The following RYR2 variants were observed in gnomAD, a reference collection of about 807,000 sequenced individuals.
RYR2 encodes the protein ryanodine receptor 2.
RYR2 carries 227 observed loss-of-function variants against 601.1 expected under a neutral mutation model. The ratio of observed to expected loss-of-function variants is 0.38; its 90% CI spans 0.34 to 0.42. The LOEUF (loss-of-function observed/expected upper bound fraction) is 0.42, where lower values mean the gene tolerates loss of function less well. RYR2 is among the 10% of genes least tolerant of loss of function. The probability of loss-of-function intolerance (pLI) is 1.00; values close to 1 mark genes in which losing one functional copy is unlikely to be tolerated. For synonymous variants in RYR2, 2,223 were observed against 2,175.1 expected (o/e 1.02, Z -0.61); for missense variants, 4,646 against 6,156.5 (o/e 0.75, Z 8.21).
chr1:237,132,453 C>T (rs1021409403), intron 1 of RYR2, among the ~76,000 whole-genome samples: 1 of 152,210 alleles, frequency 6.6e-6, no homozygotes, highest in Non-Finnish European at 1.5e-5. Flanking sequence ...ATGTTGATGG[C>T]TTTAAGCCAC....
chr1:237,509,666 ATTAT>A (rs1665678765), intron 23 of RYR2, among the ~76,000 whole-genome samples: 1 of 152,196 alleles, frequency 6.6e-6, no homozygotes, highest in Non-Finnish European at 1.5e-5. Flanking sequence ...CTTTTAAGGT[ATTAT>A]GTTTGCCTTC....
chr1:237,346,332 A>G (rs986111920), intron 3 of RYR2, among the ~76,000 whole-genome samples: 22 of 148,808 alleles, frequency 1.5e-4, no homozygotes, highest in African/African-American at 4.7e-4. Context: ...TACTGCCACT[A>G]TACTCCGGCC....
chr1:237,796,605 A>G (rs1454956333), intron 96 of RYR2, among the ~76,000 whole-genome samples: 6 of 152,100 alleles, frequency 3.9e-5, no homozygotes, highest in African/African-American at 7.2e-5. Context: ...TTTCATCAGT[A>G]TATTTCCTTC....
intron 1 of RYR2, among the ~76,000 whole-genome samples, chr1:237,087,716 C>G (rs1411251137): frequency 1.3e-5 from 2 of 152,164 alleles, no homozygotes; most frequent in Admixed American, 6.5e-5. Flanking sequence ...TGGTGCCCCT[C>G]TTGGTGTCTG....
chr1:237,655,787 G>A lies in RYR2; in HGVS notation c.7966-34G>A, dbSNP rs765387697. The A allele has an allele frequency of 1.8e-5, 28 of 1,547,662 alleles. 1 individual carries two copies. In the African/African-American group the frequency reaches 3.3e-4, roughly 18 times the overall value. On this transcript the variant is annotated intron_variant, in intron 52 of 104. Coordinates refer to ENST00000366574, the MANE Select transcript of RYR2 (RefSeq NM_001035.3). ...TCATGCTGACAACTTTTGCCATATA[G>A]TAATTTTTTTTTTTGGTCCTCCATT...
Position 237,314,954 on chromosome 1 carries a change from C to T in RYR2, c.169-15924C>T, listed in dbSNP as rs1379500244. 3.3e-5 allele frequency among the ~76,000 whole-genome samples: 5 copies of T among 152,194 alleles called. No individual in the cohort carries two copies. The East Asian group carries it at 7.7e-4, about 23-fold the overall frequency. On this transcript the variant is annotated intron_variant, in intron 2 of 104. Coordinates refer to ENST00000366574, the MANE Select transcript of RYR2 (RefSeq NM_001035.3). ...CTGATTATTTTAATGATGGATTATA[C>T]TATTAATATTAAATCTCTTTATGAG...
intron 16 of RYR2, among the ~76,000 whole-genome samples, 165 bp from the exon 17 acceptor site, chr1:237,468,927 A>G (rs1367918021): frequency 1.3e-5 from 2 of 152,080 alleles, no homozygotes; most frequent in Non-Finnish European, 1.5e-5. Context: ...TTTGTCTTTA[A>G]TGTCTCAGTG....
intron 46 of RYR2, among the ~76,000 whole-genome samples, chr1:237,640,652 C>G (rs185384475): frequency 6.6e-6 from 1 of 152,252 alleles, no homozygotes; most frequent in East Asian, 1.9e-4. Flanking sequence ...CCTCCTTTTC[C>G]CCTCAAAGGA....
At chr1:237,047,316 T>C (rs1334727026) in intron 1 of RYR2, among the ~76,000 whole-genome samples, 1 of 152,028 alleles carries the variant, frequency 6.6e-6, no homozygotes, top group Non-Finnish European at 1.5e-5. Context: ...TTTTGTCTTT[T>C]CTAATGTTAC....
chr1:237,269,605 C>T (rs4233470), intron 1 of RYR2, among the ~76,000 whole-genome samples: 25,583 of 152,076 alleles, frequency 0.17, 2,670 homozygotes, highest in East Asian at 0.54. Context: ...GCCCTTGCCA[C>T]GTAGAACCTG....
At position 237,448,229 on chromosome 1, in the gene RYR2, GAT is replaced by G. The variant is rs552664060; in HGVS notation, c.1292+2710_1292+2711del. ...GGCGTGAGGCACCACACCCGGCATT[GAT>G]ATGTTTTCTTTCAGTTTCCCCTTTG... On this transcript the variant is annotated intron_variant, in intron 14 of 104. Transcript: ENST00000366574. 2.3e-3 allele frequency among the ~76,000 whole-genome samples: 354 copies of G among 152,166 alleles called. 3 individuals carry two copies. The highest frequency in any genetic ancestry group is 8.1e-3 in the African/African-American group (337 of 41,530).
chr1:237,109,620 C>T (rs17669728), intron 1 of RYR2, among the ~76,000 whole-genome samples: 30,918 of 151,856 alleles, frequency 0.2, 3,271 homozygotes, highest in Non-Finnish European at 0.21. Flanking sequence ...CTCCTCTCTG[C>T]AGTGTCCTGC....
intron 24 of RYR2, among the ~76,000 whole-genome samples, chr1:237,528,765 A>G (rs1239333328): frequency 6.6e-6 from 1 of 152,050 alleles, no homozygotes; most frequent in African/African-American, 2.4e-5. Context: ...CTCGGTCTGG[A>G]CTCACATTAA....
chr1:237,281,082 G>A (rs1315335991), intron 2 of RYR2, among the ~76,000 whole-genome samples: 1 of 152,144 alleles, frequency 6.6e-6, no homozygotes, highest in Non-Finnish European at 1.5e-5. Flanking sequence ...ACCACGCCTG[G>A]CCTCTTTTTA....
chr1:237,690,025 C>T lies in RYR2; in HGVS notation c.9067+2521C>T, dbSNP rs544669076. ...ACACACGGCTAATTTTTAGTAGAAACGGGGTTTCACCATGTTGGCCAGGCT... is the reference window on the plus strand; with the variant it reads ...ACACACGGCTAATTTTTAGTAGAAATGGGGTTTCACCATGTTGGCCAGGCT... On this transcript the variant is annotated intron_variant, in intron 63 of 104. Coordinates refer to ENST00000366574, the MANE Select transcript of RYR2 (RefSeq NM_001035.3). Among the ~76,000 whole-genome samples, 133 of 151,928 alleles carry T rather than the reference C, an allele frequency of 8.8e-4. No homozygotes were observed. The Middle Eastern group carries it at 0.01, about 12-fold the overall frequency.
rs67002856 is a variant in RYR2 at position 237,204,503 on chromosome 1, CAA to C, written c.49-65980_49-65979del. ...CTTGTTACCAAAACAAAAACAAAAA[CAA>C]AAAAAAAAAAAAAGAAAGAAAACTA... On this transcript the variant is annotated intron_variant, in intron 1 of 104. Coordinates refer to ENST00000366574, the MANE Select transcript of RYR2 (RefSeq NM_001035.3). 7.6e-3 allele frequency among the ~76,000 whole-genome samples: 805 copies of C among 106,602 alleles called. 6 individuals carry two copies. Among genetic ancestry groups the C allele is most frequent in the African/African-American group, 0.02 (682 of 33,590 alleles). The allele number at this position is 106,602 out of a possible 152,430, so 69.9% of individuals were successfully genotyped here.
chr1:237,799,013 T>G (rs1659629831), intron 97 of RYR2, among the ~76,000 whole-genome samples: 1 of 152,350 alleles, frequency 6.6e-6, no homozygotes, highest in South Asian at 2.1e-4. Context: ...GAAGCAGTAT[T>G]ATTTTCTTAA....
intron 48 of RYR2, among the ~76,000 whole-genome samples, chr1:237,645,592 G>C (rs908059115): frequency 5.3e-5 from 8 of 152,142 alleles, no homozygotes; most frequent in African/African-American, 1.9e-4. Flanking sequence ...TTGTAAGAGA[G>C]CCCAGGGGTC....
At chr1:237,493,400 G>A (rs930725950) in intron 19 of RYR2, among the ~76,000 whole-genome samples, 1 of 151,956 alleles carries the variant, frequency 6.6e-6, no homozygotes, top group African/African-American at 2.4e-5. Flanking sequence ...GTATATAATT[G>A]TACTTTACAT....
Sources: allele counts gnomAD v4.1 joint callset (sites outside exome capture counted in the v4.1 genomes callset), GRCh38; gene constraint gnomAD v4.1.1; transcripts MANE v1.5; gene names NCBI Gene and HGNC (gene_info 2026-07-23, HGNC 2026-07-21).